The following PARD3B variants were observed in gnomAD, a reference collection of about 807,000 sequenced individuals.
The protein encoded by PARD3B is par-3 family cell polarity regulator beta, also known as partitioning defective 3 homolog B.
Under a neutral mutation model 130.2 loss-of-function variants are expected in PARD3B, and 103 were observed. That is an observed-to-expected ratio of 0.79 (90% CI 0.67 to 0.93). The LOEUF (loss-of-function observed/expected upper bound fraction) is 0.93, where lower values mean the gene tolerates loss of function less well. Ranked by LOEUF, PARD3B falls within the 40% of genes least tolerant of loss-of-function variation. PARD3B has a pLI of 0.00. For missense variants in PARD3B, 1,609 were observed against 1,499.2 expected (o/e 1.07, Z -1.21); for synonymous variants, 583 against 553.2 (o/e 1.05, Z -0.76).
chr2:205,522,712 A>G (rs560239215), intron 21 of PARD3B, among the ~76,000 whole-genome samples: 1 of 152,244 alleles, frequency 6.6e-6, no homozygotes, highest in African/African-American at 2.4e-5. Flanking sequence ...TTCCTTAAAT[A>G]TGAGTCAGCA....
At chr2:204,918,700 A>T (rs889849549) in intron 2 of PARD3B, among the ~76,000 whole-genome samples, 3 of 151,844 alleles carry the variant, frequency 2.0e-5, no homozygotes, top group Non-Finnish European at 4.4e-5. Flanking sequence ...TGCAAAGGTT[A>T]TAGAAAAATA....
At chr2:204,960,821 G>A (rs1428801243) in intron 2 of PARD3B, among the ~76,000 whole-genome samples, 7 of 152,132 alleles carry the variant, frequency 4.6e-5, no homozygotes, top group African/African-American at 1.7e-4. Flanking sequence ...GATGCTGACA[G>A]GATGATACAC....
chr2:205,327,336 A>G (rs2042970887), intron 18 of PARD3B, among the ~76,000 whole-genome samples: 1 of 152,176 alleles, frequency 6.6e-6, no homozygotes, highest in Non-Finnish European at 1.5e-5. Context: ...TCCTAATGCT[A>G]CCTAAGATTG....
chr2:204,788,378 C>T (rs971561197), intron 2 of PARD3B, among the ~76,000 whole-genome samples: 1 of 152,180 alleles, frequency 6.6e-6, no homozygotes, highest in Non-Finnish European at 1.5e-5. Context: ...AGGCATAGAC[C>T]TCACATTGTA....
At chr2:205,349,659 TA>T (rs2043921091) in intron 18 of PARD3B, among the ~76,000 whole-genome samples, 1 of 152,152 alleles carries the variant, frequency 6.6e-6, no homozygotes, top group Admixed American at 6.5e-5. Flanking sequence ...AAGATATAAT[TA>T]AACTTCAGAA....
intron 2 of PARD3B, among the ~76,000 whole-genome samples, chr2:204,776,121 T>G (rs572520912): frequency 6.6e-6 from 1 of 152,332 alleles, no homozygotes; most frequent in South Asian, 2.1e-4. Flanking sequence ...ACAGTTTTCT[T>G]CTTATTTGAC....
intron 3 of PARD3B, among the ~76,000 whole-genome samples, chr2:204,996,996 G>T (rs1175810736): frequency 6.6e-6 from 1 of 152,116 alleles, no homozygotes; most frequent in Non-Finnish European, 1.5e-5. Flanking sequence ...TCCCTAGTGA[G>T]ATGAACCCGG....
chr2:204,715,629 CCT>C (rs890981273), intron 2 of PARD3B, among the ~76,000 whole-genome samples: 84 of 151,910 alleles, frequency 5.5e-4, no homozygotes, highest in Non-Finnish European at 8.8e-4. Flanking sequence ...TAGTCATATT[CCT>C]CTGTTTGAAA....
intron 18 of PARD3B, among the ~76,000 whole-genome samples, chr2:205,323,536 T>C (rs532961960): frequency 9.2e-5 from 14 of 152,304 alleles, no homozygotes; most frequent in South Asian, 2.1e-4. Flanking sequence ...CAAAGGGGAC[T>C]ATGAAAAGAA....
intron 4 of PARD3B, among the ~76,000 whole-genome samples, chr2:205,096,837 C>T (rs1054150482): frequency 2.0e-5 from 3 of 152,090 alleles, no homozygotes; most frequent in Admixed American, 6.6e-5. Context: ...TTTAAAGATG[C>T]AATTATTAGA....
At chr2:205,198,363 T>C (rs986740485) in intron 15 of PARD3B, among the ~76,000 whole-genome samples, 3 of 152,166 alleles carry the variant, frequency 2.0e-5, no homozygotes, top group African/African-American at 2.4e-5. Flanking sequence ...ACAATGAAGA[T>C]TGTTAACATT....
chr2:205,493,363 A>G (rs185001801), intron 20 of PARD3B, among the ~76,000 whole-genome samples: 12 of 152,162 alleles, frequency 7.9e-5, no homozygotes, highest in Admixed American at 7.2e-4. Flanking sequence ...AAATAATAGT[A>G]TCTTGGCGTT....
chr2:204,838,270 C>T (rs988974469), intron 2 of PARD3B, among the ~76,000 whole-genome samples: 15 of 151,958 alleles, frequency 9.9e-5, no homozygotes, highest in Non-Finnish European at 2.9e-5. Flanking sequence ...GCAACCTCCA[C>T]CTCCTGGGTT....
At position 205,411,147 on chromosome 2, in the gene PARD3B, G is replaced by A. The variant is rs115436979; in HGVS notation, c.2741+10024G>A. On this transcript the variant is annotated intron_variant, in intron 19 of 22. Coordinates refer to ENST00000406610, the MANE Select transcript of PARD3B (RefSeq NM_001302769.2). ...GTAGAACTCAAGCATCTTTCTCAGC[G>A]TCCTATACTGCATAGGACAGCCCCC... 1.2e-3 allele frequency among the ~76,000 whole-genome samples: 184 copies of A among 152,078 alleles called. 1 individual carries two copies. Among genetic ancestry groups the A allele is most frequent in the African/African-American group, 4.1e-3 (169 of 41,478 alleles).
At chr2:205,435,278 T>A (rs1275145100) in intron 19 of PARD3B, among the ~76,000 whole-genome samples, 1 of 152,060 alleles carries the variant, frequency 6.6e-6, no homozygotes, top group East Asian at 1.9e-4. Flanking sequence ...ATCTTCTTTT[T>A]AGTATAGGAA....
At chr2:204,990,385 T>C (rs920427397) in intron 3 of PARD3B, among the ~76,000 whole-genome samples, 1 of 152,170 alleles carries the variant, frequency 6.6e-6, no homozygotes, top group Non-Finnish European at 1.5e-5. Context: ...ATATCATGTT[T>C]CTTTGTGTTG....
At chr2:204,731,472 A>G (rs1047237303) in intron 2 of PARD3B, among the ~76,000 whole-genome samples, 1 of 152,202 alleles carries the variant, frequency 6.6e-6, no homozygotes, top group African/African-American at 2.4e-5. Flanking sequence ...AGGTTTATAA[A>G]TGATTAAGTT....
At chr2:204,784,753 G>A (rs976121878) in intron 2 of PARD3B, among the ~76,000 whole-genome samples, 1 of 152,132 alleles carries the variant, frequency 6.6e-6, no homozygotes, top group Non-Finnish European at 1.5e-5. Flanking sequence ...CCATTTATAA[G>A]TTGATACGAT....
At chr2:205,566,221 G>A (rs772554937) in intron 22 of PARD3B, among the ~76,000 whole-genome samples, 9 of 152,166 alleles carry the variant, frequency 5.9e-5, no homozygotes, top group Admixed American at 2.6e-4. Flanking sequence ...AAACCTTTGC[G>A]GGGTTTTAAG....
Sources: allele counts gnomAD v4.1 joint callset (sites outside exome capture counted in the v4.1 genomes callset), GRCh38; gene constraint gnomAD v4.1.1; transcripts MANE v1.5; gene names NCBI Gene and HGNC (gene_info 2026-07-23, HGNC 2026-07-21).